The following MPO variants were observed in gnomAD, a reference collection of about 807,000 sequenced individuals.
The protein encoded by MPO is myeloperoxidase.
A neutral mutation model predicts 69.4 loss-of-function variants in MPO; 57 were observed. That is an observed-to-expected ratio of 0.82 (90% CI 0.66 to 1.02). The LOEUF (loss-of-function observed/expected upper bound fraction) is 1.02, where lower values mean the gene tolerates loss of function less well. MPO is among the 50% of genes least tolerant of loss of function. The pLI is 0.00. For synonymous variants in MPO, 426 were observed against 417.1 expected (o/e 1.02, Z -0.26); for missense variants, 971 against 1,014.1 (o/e 0.96, Z 0.58).
chr17:58,278,187 G>A (rs1486674094), intron 6 of MPO, 42 bp from the exon 7 acceptor site: 2 of 1,593,610 alleles, frequency 1.3e-6, no homozygotes, highest in Admixed American at 1.7e-5. Context: ...CCGAGGGCAA[G>A]GAAGGTGCCC....
At position 58,275,576 on chromosome 17, in the gene MPO, T is replaced by C. The variant is rs763489527; in HGVS notation, c.1331A>G (p.Gln444Arg). 5.6e-6 allele frequency: 9 copies of C among 1,614,152 alleles called. No individual in the cohort carries two copies. The highest frequency in any genetic ancestry group is 7.6e-6 in the Non-Finnish European group (9 of 1,180,014). ...GGCCCCCACGATCTTCCGGGCTTCC[T>C]GGTAGAGCCTCTCCCCATCCCACCT... ...NPRWDGERLY[Q>R]EARKIVGAMV... The change falls in exon 8 of 12, where the codon CAG (glutamine) becomes CGG (arginine). Residue 444 changes from glutamine to arginine, a missense_variant. Gln to Arg is a conservative substitution (Grantham distance 43). Coordinates refer to ENST00000225275, the MANE Select transcript of MPO (RefSeq NM_000250.2). This position sits in a 1 kb window ranked among gnomAD's most constrained non-coding sequence, Gnocchi z 4.1.
chr17:58,279,495 T>C (rs774960910), intron 4 of MPO, 28 bp downstream of exon 4: 1 of 1,613,232 alleles, frequency 6.2e-7, no homozygotes, highest in Non-Finnish European at 8.5e-7. Context: ...TGAGCCCGGT[T>C]CCTGCAGCCA....
Position 58,280,414 on chromosome 17 carries a change from T to C in MPO, c.200A>G (p.Glu67Gly). The C allele has an allele frequency of 3.7e-6, 6 of 1,613,976 alleles. No homozygotes were observed. The highest frequency in any genetic ancestry group is 5.1e-6 in the Non-Finnish European group (6 of 1,179,962). Reference protein sequence around the residue: ...VDTSLVLSSMEEAKQLVDKAY... With the variant: ...VDTSLVLSSMGEAKQLVDKAY... Reference sequence around the variant, plus strand: ...CTTGTCCACCAGCTGCTTGGCCTCCTCCATGGAGCTCAGCACCAACGAGGT... The same window carrying C: ...CTTGTCCACCAGCTGCTTGGCCTCCCCCATGGAGCTCAGCACCAACGAGGT... Residue 67 changes from glutamate to glycine, a missense_variant, in exon 2 of 12, where the codon GAG becomes GGG. By Grantham distance (98) the Glu-to-Gly change is moderately conservative. Coordinates refer to ENST00000225275, the MANE Select transcript of MPO (RefSeq NM_000250.2).
At chr17:58,280,542 A>T (rs1282472540) in intron 1 of MPO, 63 bp downstream of exon 1, 5 of 1,613,856 alleles carry the variant, frequency 3.1e-6, no homozygotes, top group Non-Finnish European at 4.2e-6. Flanking sequence ...TGCTCTGAGA[A>T]AAGGGGTCTC....
rs1265189958 is a variant in MPO at position 58,280,626 on chromosome 17, G to A, written c.133C>T (p.Pro45Ser). 6.2e-7 allele frequency: 1 copy of A among 1,614,240 alleles called. No homozygotes were observed. Among genetic ancestry groups the A allele is most frequent in the Admixed American group, 1.7e-5 (1 of 60,034 alleles). The change falls in exon 1 of 12, where the codon CCC (proline) becomes TCC (serine). Residue 45 changes from proline to serine, a missense_variant. By Grantham distance (74) the Pro-to-Ser change is moderately conservative. Transcript: ENST00000225275. ...GLLAILATPQ[P>S]SEGAAPAVLG... is the part of the protein sequence containing the mutation. ...TTACCTGGAGCAGCACCTTCAGAGG[G>A]CTGGGGCGTGGCCAGAATGGCCAGG...
intron 7 of MPO, 76 bp downstream of exon 7, chr17:58,277,751 G>A: frequency 1.9e-6 from 3 of 1,585,550 alleles, no homozygotes; most frequent in Non-Finnish European, 2.6e-6. Context: ...CCCACAAGCT[G>A]CTCACAAACA....
At chr17:58,280,096 A>C (rs923865928) in intron 2 of MPO, 82 bp from the exon 3 acceptor site, 2 of 1,566,506 alleles carry the variant, frequency 1.3e-6, no homozygotes, top group South Asian at 1.1e-5. Context: ...GCAGACATGC[A>C]GGACCATGCA....
Position 58,275,676 on chromosome 17 carries a change from C to T in MPO, c.1231G>A (p.Glu411Lys). Residue 411 changes from glutamate to lysine, a missense_variant, in exon 8 of 12, where the codon GAG becomes AAG. Coordinates refer to ENST00000225275, the MANE Select transcript of MPO (RefSeq NM_000250.2). This position sits in a 1 kb window ranked among gnomAD's most constrained non-coding sequence, Gnocchi z 4.1. Reference protein sequence around the residue: ...AGDTRSSEMPELTSMHTLLLR... With the variant: ...AGDTRSSEMPKLTSMHTLLLR... ...AAGAGGGTGTGCATGGAGGTGAGCT[C>T]GGGCATCTCACTGGAACGGGTGTCC... 3 of 1,614,116 alleles carry T rather than the reference C, an allele frequency of 1.9e-6. No individual in the cohort carries two copies. Among genetic ancestry groups the T allele is most frequent in the South Asian group, 1.1e-5 (1 of 91,072 alleles).
intron 9 of MPO, 40 bp from the exon 10 acceptor site, chr17:58,272,958 T>C: frequency 6.2e-7 from 1 of 1,611,118 alleles, no homozygotes; most frequent in East Asian, 2.2e-5. Flanking sequence ...AGTATCTGGC[T>C]CAGTATCAGA....
At chr17:58,277,110 A>G (rs1016054613) in intron 7 of MPO, among the ~76,000 whole-genome samples, 1 of 146,328 alleles carries the variant, frequency 6.8e-6, no homozygotes, top group African/African-American at 2.5e-5. Flanking sequence ...TCCGTCTTAG[A>G]AAAAAAAAAA....
At chr17:58,277,512 G>A (rs555775924) in intron 7 of MPO, among the ~76,000 whole-genome samples, 1 of 152,308 alleles carries the variant, frequency 6.6e-6, no homozygotes, top group Non-Finnish European at 1.5e-5. Context: ...TGCCCCTGAG[G>A]GATTTGACTC....
At chr17:58,279,251 C>G (rs201398942) in intron 5 of MPO, 37 bp from the exon 6 acceptor site, 9 of 1,571,948 alleles carry the variant, frequency 5.7e-6, no homozygotes, top group African/African-American at 1.3e-5. Context: ...CCTGGGTCCG[C>G]GCACCGCGTG....
chr17:58,278,122 G>A lies in MPO; in HGVS notation c.909C>T (p.Ile303=). The change falls in exon 7 of 12, where the codon ATC becomes ATT. Residue 303 remains isoleucine, a synonymous_variant. Transcript: ENST00000225275. ...PLKIPPNDPR[I]KNQADCIPFF... ...ACGGGATGCAGTCGGCTTGGTTCTT[G>A]ATGCGGGGGTCATTGGGCGGGATCT... 1 of 1,603,080 alleles carries A rather than the reference G, an allele frequency of 6.2e-7. No homozygotes were observed. The highest frequency in any genetic ancestry group is 8.5e-7 in the Non-Finnish European group (1 of 1,179,922).
Position 58,280,470 on chromosome 17 carries a change from C to A in MPO, c.155-11G>T. 3 of 1,613,938 alleles carry A rather than the reference C, an allele frequency of 1.9e-6. No homozygotes were observed. The highest frequency in any genetic ancestry group is 2.5e-6 in the Non-Finnish European group (3 of 1,179,926). On this transcript the variant is annotated splice_polypyrimidine_tract_variant and intron_variant, in intron 1 of 11. Coordinates refer to ENST00000225275, the MANE Select transcript of MPO (RefSeq NM_000250.2). ...CCTCCCCCAGGACAGCTGCCCAGAG[C>A]AGGGATCACAAAGTCAGGAATGGGC...
Position 58,278,184 on chromosome 17 carries a change from C to G in MPO, c.886-39G>C, listed in dbSNP as rs755088731. 3.1e-6 allele frequency: 5 copies of G among 1,595,370 alleles called. No individual in the cohort carries two copies. In the South Asian group the frequency reaches 5.5e-5, roughly 18 times the overall value. ...AGAGGCTAGACTGGCTCACCGAGGG[C>G]AAGGAAGGTGCCCAGGCAGAACTGG... On this transcript the variant is annotated intron_variant, in intron 6 of 11. Coordinates refer to ENST00000225275, the MANE Select transcript of MPO (RefSeq NM_000250.2).
At chr17:58,273,297 G>A in intron 9 of MPO, 117 bp downstream of exon 9, 8 of 1,499,196 alleles carry the variant, frequency 5.3e-6, no homozygotes, top group Non-Finnish European at 7.4e-6. Flanking sequence ...AGTCAGACCA[G>A]ATCTCCAAGA....
At position 58,275,425 on chromosome 17, in the gene MPO, C is replaced by A. The variant is rs1019525738; in HGVS notation, c.1365+117G>T. 2.7e-5 allele frequency: 35 copies of A among 1,296,160 alleles called. No individual in the cohort carries two copies. The highest frequency in any genetic ancestry group is 2.9e-5 in the Non-Finnish European group (26 of 902,090). 80.3% of individuals were successfully genotyped at this position (1,296,160 alleles called of 1,614,324 possible). A position where few individuals can be genotyped will look rare whatever the true frequency, so the allele number is the denominator to read the frequency against. On this transcript the variant is annotated intron_variant, in intron 8 of 11. Coordinates refer to ENST00000225275, the MANE Select transcript of MPO (RefSeq NM_000250.2). The surrounding 1 kb of genome is among the most constrained non-coding windows in gnomAD (Gnocchi z 4.1). ...CATATATGTATTATAATCCTTACAG[C>A]CTCATGGATGAAGAAGGCAAGGCTC... is the stretch of plus-strand genomic sequence containing the variant.
rs571611976 is a variant in MPO at position 58,272,889 on chromosome 17, T to C, written c.1651A>G (p.Met551Val). The C allele has an allele frequency of 6.2e-6, 10 of 1,614,086 alleles. No individual in the cohort carries two copies. The South Asian group carries it at 9.9e-5, about 16-fold the overall frequency. The change falls in exon 10 of 12, where the codon ATG becomes GTG. Residue 551 changes from methionine (M) to valine (V), a missense_variant. Met to Val is a conservative substitution (Grantham distance 21). Transcript: ENST00000225275. ...CGATTCAGCTTGGCAGGGGTGGCCA[T>C]GAGGCCCCGGAGGATGGGGTCAATG... ...GGIDPILRGL[M>V]ATPAKLNRQN... is the part of the protein sequence containing the mutation.
At chr17:58,274,375 TGTGTGTGTGA>T (rs1332477363) in intron 8 of MPO, among the ~76,000 whole-genome samples, 3 of 151,674 alleles carry the variant, frequency 2.0e-5, no homozygotes, top group Non-Finnish European at 4.4e-5. Context: ...TGTGTGTGTG[TGTGTGTGTGA>T]GTGTGTGTAT....
Sources: allele counts gnomAD v4.1 joint callset (sites outside exome capture counted in the v4.1 genomes callset), GRCh38; gene constraint gnomAD v4.1.1; non-coding constraint Gnocchi (gnomAD v3.1); transcripts MANE v1.5; gene names NCBI Gene and HGNC (gene_info 2026-07-23, HGNC 2026-07-21).